The following MOB3B variants were observed in gnomAD, a reference collection of about 807,000 sequenced individuals.
MOB3B encodes the protein MOB kinase activator 3B.
MOB3B carries 7 observed loss-of-function variants against 18.7 expected under a neutral mutation model. That is an observed-to-expected ratio of 0.37 (90% CI 0.21 to 0.70). The LOEUF (loss-of-function observed/expected upper bound fraction) is 0.70, where lower values mean the gene tolerates loss of function less well. Among genes scored for constraint, MOB3B ranks in the 30% least tolerant of loss-of-function variants. The probability of loss-of-function intolerance (pLI) is 0.52; values close to 1 mark genes in which losing one functional copy is unlikely to be tolerated. For synonymous variants in MOB3B, 111 were observed against 99.9 expected, an observed-to-expected ratio of 1.11 and a Z score of -0.66; for missense variants, 253 against 281.3, an observed-to-expected ratio of 0.90 and a Z score of 0.72.
chr9:27,388,457 C>CT (rs201279285), intron 2 of MOB3B, among the ~76,000 whole-genome samples: 43 of 151,550 alleles, frequency 2.8e-4, no homozygotes, highest in Admixed American at 1.7e-3. Context: ...CTCAGAGTAT[C>CT]TTTTTTTTTC....
chr9:27,415,195 G>C (rs1295491400), intron 2 of MOB3B, among the ~76,000 whole-genome samples: 2 of 152,128 alleles, frequency 1.3e-5, no homozygotes, highest in Non-Finnish European at 2.9e-5. Context: ...TGGAATAAAG[G>C]AATTTTTAGA....
At position 27,524,532 on chromosome 9, in the gene MOB3B, T is replaced by A. The variant is rs745823505; in HGVS notation, c.-199+5023A>T. On this transcript the variant is annotated intron_variant, in intron 1 of 3. Transcript: ENST00000262244. ...AGAATGTCTACGAGAAAACATAGCT[T>A]TTGAGTTGCCCCAAGAGTTTCTGCA... The A allele has an allele frequency of 5.0e-6, 8 of 1,613,970 alleles. No individual in the cohort carries two copies. In the South Asian group the frequency reaches 8.8e-5, roughly 18 times the overall value.
In MOB3B at chr9:27,455,267, T is replaced by G. The variant is rs996773968; in HGVS notation, c.284A>C (p.Lys95Thr). The G allele has an allele frequency of 6.2e-7, 1 of 1,614,104 alleles. No homozygotes were observed. Among genetic ancestry groups the G allele is most frequent in the Non-Finnish European group, 8.5e-7 (1 of 1,179,988 alleles). Reference protein sequence around the residue: ...RTCPVMSGGPKYEYRWQDDLK... With the variant: ...RTCPVMSGGPTYEYRWQDDLK... ...ATCATCCTGCCACCGATACTCATAT[T>G]TGGGGCCCCCTGACATCACAGGACA... The change falls in exon 2 of 4, where the codon AAA (lysine) becomes ACA (threonine). Residue 95 changes from lysine (K) to threonine (T), a missense_variant. Lys to Thr is a moderately conservative substitution (Grantham distance 78, BLOSUM62 -1). Coordinates refer to ENST00000262244, the MANE Select transcript of MOB3B (RefSeq NM_024761.5).
chr9:27,379,485 G>T (rs1821542780), intron 2 of MOB3B, among the ~76,000 whole-genome samples: 1 of 152,118 alleles, frequency 6.6e-6, no homozygotes, highest in East Asian at 1.9e-4. Context: ...CAGGAGGCAG[G>T]TACTACCATC....
chr9:27,490,008 T>C (rs1819791583), intron 1 of MOB3B, among the ~76,000 whole-genome samples: 1 of 152,142 alleles, frequency 6.6e-6, no homozygotes, highest in Non-Finnish European at 1.5e-5. Context: ...CCAATGTGCC[T>C]CTTTTGCCCA....
chr9:27,351,688 C>T (rs1441239460), intron 3 of MOB3B, among the ~76,000 whole-genome samples: 3 of 152,166 alleles, frequency 2.0e-5, no homozygotes, highest in East Asian at 1.9e-4. Context: ...CTGGCTCATG[C>T]GAGAGGTTCT....
At chr9:27,506,002 G>A (rs569859318) in intron 1 of MOB3B, among the ~76,000 whole-genome samples, 2 of 152,270 alleles carry the variant, frequency 1.3e-5, no homozygotes, top group South Asian at 4.2e-4. Flanking sequence ...CAAATGCCTG[G>A]GCAGATTGCC....
At position 27,328,848 on chromosome 9, in the gene MOB3B, T is replaced by A. The variant is rs1051980208; in HGVS notation, c.*1739A>T. ...CCAAAAGAGATGTAGGGAAAAAACT[T>A]TGCCTATCTTGTCCTCTCAAAGTTA... On this transcript the variant is annotated 3_prime_UTR_variant, in exon 4 of 4. Transcript: ENST00000262244. The A allele has an allele frequency of 6.6e-6, 1 of 152,614 alleles. No homozygotes were observed. Among genetic ancestry groups the A allele is most frequent in the African/African-American group, 2.4e-5 (1 of 41,442 alleles). The allele number at this position is 152,614 out of a possible 1,614,324, so 9.5% of individuals were successfully genotyped here.
chr9:27,328,275 A>G lies in MOB3B; in HGVS notation c.*2312T>C, dbSNP rs1229298041. On this transcript the variant is annotated 3_prime_UTR_variant, in exon 4 of 4. Transcript: ENST00000262244. ...CTCTGACCCAGAGGGCTGAAGCTCC[A>G]TTTATAACAGAGATGAACAGTTAGA... 2 of 152,160 alleles carry G rather than the reference A, an allele frequency of 1.3e-5. No individual in the cohort carries two copies. The highest frequency in any genetic ancestry group is 6.5e-5 in the Admixed American group (1 of 15,274). The allele number at this position is 152,160 out of a possible 1,614,324, so 9.4% of individuals were successfully genotyped here. A position where few individuals can be genotyped will look rare whatever the true frequency, so the allele number is the denominator to read the frequency against.
chr9:27,402,138 T>C lies in MOB3B; in HGVS notation c.419-42902A>G, dbSNP rs1353048609. On this transcript the variant is annotated intron_variant, in intron 2 of 3. Transcript: ENST00000262244. ...TTGCAGAGTTCTTGGGAATGTTAACTGTAACACTTATAAAGCACATATTCC... is the reference window on the plus strand; with the variant it reads ...TTGCAGAGTTCTTGGGAATGTTAACCGTAACACTTATAAAGCACATATTCC... Among the ~76,000 whole-genome samples the C allele has an allele frequency of 3.3e-5, 5 of 152,224 alleles. No individual in the cohort carries two copies. In the East Asian group the frequency reaches 9.6e-4, roughly 29 times the overall value.
intron 2 of MOB3B, among the ~76,000 whole-genome samples, chr9:27,360,103 A>G (rs1251608565): frequency 6.6e-6 from 1 of 152,230 alleles, no homozygotes; most frequent in East Asian, 1.9e-4. Context: ...ATGGCTGGGA[A>G]GGTATTAATG....
chr9:27,485,223 T>C (rs1432416227), intron 1 of MOB3B, among the ~76,000 whole-genome samples: 1 of 152,236 alleles, frequency 6.6e-6, no homozygotes, highest in Non-Finnish European at 1.5e-5. Flanking sequence ...GTACTGTTAT[T>C]ATTCCTATCT....
chr9:27,330,639 T>G (rs375536096), intron 3 of MOB3B, 23 bp from the exon 4 acceptor site: 1 of 1,614,010 alleles, frequency 6.2e-7, no homozygotes, highest in African/African-American at 1.3e-5. Flanking sequence ...GGGAAAAGGA[T>G]GGTTAGGAGA....
chr9:27,431,359 T>C (rs767983093), intron 2 of MOB3B, among the ~76,000 whole-genome samples: 4 of 152,286 alleles, frequency 2.6e-5, no homozygotes, highest in Admixed American at 6.5e-5. Context: ...TTACCATATT[T>C]GAAAGGAGAG....
chr9:27,393,113 A>G (rs1821750077), intron 2 of MOB3B, among the ~76,000 whole-genome samples: 1 of 152,072 alleles, frequency 6.6e-6, no homozygotes, highest in South Asian at 2.1e-4. Context: ...ATACCTGGCT[A>G]TTACTGACTA....
chr9:27,496,796 C>T (rs1316686354), intron 1 of MOB3B, among the ~76,000 whole-genome samples: 2 of 152,340 alleles, frequency 1.3e-5, no homozygotes, highest in Non-Finnish European at 1.5e-5. Context: ...ATGCTTTCAG[C>T]ACTCCTACAG....
chr9:27,359,314 G>A (rs1821238598), intron 2 of MOB3B, 78 bp from the exon 3 acceptor site: 11 of 1,276,506 alleles, frequency 8.6e-6, no homozygotes, highest in Non-Finnish European at 1.2e-5. Context: ...TATGAAAACT[G>A]TCTGAGGGCA....
At chr9:27,351,998 G>T (rs1821111549) in intron 3 of MOB3B, among the ~76,000 whole-genome samples, 1 of 152,224 alleles carries the variant, frequency 6.6e-6, no homozygotes, top group South Asian at 2.1e-4. Flanking sequence ...CTGGGGGTGG[G>T]ACATGCACTT....
intron 1 of MOB3B, among the ~76,000 whole-genome samples, chr9:27,471,455 C>T (rs1819469822): frequency 6.6e-6 from 1 of 152,148 alleles, no homozygotes; most frequent in Non-Finnish European, 1.5e-5. Context: ...CTTTGTGGCT[C>T]TTGGTCACTG....
Sources: gnomAD v4.1 joint callset for allele counts (sites outside exome capture counted in the v4.1 genomes callset) on GRCh38, gnomAD v4.1.1 for gene constraint, MANE v1.5 for transcripts, NCBI Gene and HGNC (gene_info 2026-07-23, HGNC 2026-07-21) for gene names.